PTK2B: variants seen among roughly 807,000 people sequenced by gnomAD.
The protein encoded by PTK2B is protein tyrosine kinase 2 beta.
A neutral mutation model predicts 142.9 loss-of-function variants in PTK2B; 71 were observed. The ratio of observed to expected loss-of-function variants is 0.50; its 90% confidence interval spans 0.41 to 0.61. PTK2B has a LOEUF of 0.61. Among genes scored for constraint, PTK2B ranks in the 20% least tolerant of loss-of-function variants. PTK2B has a pLI of 0.00. For synonymous variants in PTK2B, 519 were observed against 503.4 expected (o/e 1.03, Z -0.42); for missense variants, 1,105 against 1,320.4 (o/e 0.84, Z 2.53).
At chr8:27,333,033 G>T (rs1485424137) in intron 1 of PTK2B, among the ~76,000 whole-genome samples, 3 of 152,276 alleles carry the variant, frequency 2.0e-5, no homozygotes, top group Admixed American at 6.5e-5. Context: ...CTATGAGATT[G>T]CAGGGCAGAG....
At chr8:27,320,627 G>T (rs1803190793), upstream of PTK2B, among the ~76,000 whole-genome samples, 1 of 152,170 alleles carries the variant, frequency 6.6e-6, no homozygotes, top group Non-Finnish European at 1.5e-5. Context: ...AAAGATACAG[G>T]TGAGCAACCA....
chr8:27,319,936 G>C (rs1005011829), intron 3 of PTK2B, among the ~76,000 whole-genome samples: 1 of 152,184 alleles, frequency 6.6e-6, no homozygotes, highest in Non-Finnish European at 1.5e-5. Context: ...GATGCTGGAT[G>C]TGCAGGAGTT....
At chr8:27,431,251 A>G in intron 8 of PTK2B, 147 bp from the exon 9 acceptor site, 1 of 1,525,726 alleles carries the variant, frequency 6.6e-7, no homozygotes, top group South Asian at 1.3e-5. Context: ...TCAGGAGGGG[A>G]AGATCCATAT....
At chr8:27,315,478 T>C (rs914681277) in intron 3 of PTK2B, among the ~76,000 whole-genome samples, 4 of 152,092 alleles carry the variant, frequency 2.6e-5, no homozygotes, top group African/African-American at 7.2e-5. Context: ...CAGATAGCCC[T>C]CTCCCCTCCC....
At chr8:27,438,839 C>T (rs557631110) in intron 18 of PTK2B, among the ~76,000 whole-genome samples, 192 bp from the exon 19 acceptor site, 151 of 152,306 alleles carry the variant, frequency 9.9e-4, no homozygotes, top group African/African-American at 3.5e-3. Flanking sequence ...AGCTGGGCTC[C>T]CACCTGAGGT....
intron 15 of PTK2B, among the ~76,000 whole-genome samples, chr8:27,436,828 C>T (rs1463029705): frequency 6.6e-6 from 1 of 152,154 alleles, no homozygotes; most frequent in Non-Finnish European, 1.5e-5. Flanking sequence ...CTTGCAGGTG[C>T]CTCTGGCTTT....
intron 20 of PTK2B, 60 bp downstream of exon 20, chr8:27,439,458 T>C (rs1172318608): frequency 3.9e-6 from 6 of 1,533,370 alleles, no homozygotes; most frequent in African/African-American, 1.4e-5. Context: ...TGAACCAGGC[T>C]AAGGGGGTGG....
Position 27,354,357 on chromosome 8 carries a change from C to T in PTK2B, c.-38+28676C>T, listed in dbSNP as rs891668001. Among the ~76,000 whole-genome samples the T allele has an allele frequency of 3.9e-5, 6 of 152,022 alleles. No homozygotes were observed. The South Asian group carries it at 6.2e-4, about 16-fold the overall frequency. ...CCCCATCCTGTGGTCCAGGCCAGGA[C>T]GGGGAGGAAGAGGAGATGGTGTTCT... On this transcript the variant is annotated intron_variant, in intron 1 of 30. Coordinates refer to ENST00000346049, the MANE Select transcript of PTK2B (RefSeq NM_173176.3).
intron 4 of PTK2B, 63 bp from the exon 5 acceptor site, chr8:27,422,241 C>T: frequency 2.0e-6 from 3 of 1,484,300 alleles, no homozygotes; most frequent in Non-Finnish European, 2.8e-6. Context: ...TCTTCTGAGG[C>T]CTCTGTGCAG....
chr8:27,359,533 C>T (rs753656204), intron 1 of PTK2B, among the ~76,000 whole-genome samples: 7 of 152,126 alleles, frequency 4.6e-5, no homozygotes, highest in African/African-American at 9.7e-5. Flanking sequence ...TTGTATGGAT[C>T]GTCACTGTGA....
chr8:27,432,426 T>C, intron 10 of PTK2B, 65 bp downstream of exon 10: 1 of 1,489,056 alleles, frequency 6.7e-7, no homozygotes, highest in Admixed American at 1.8e-5. Context: ...GATTGGGAGC[T>C]CTTGCTCAGA....
chr8:27,446,988 T>C (rs1811512306), intron 24 of PTK2B, among the ~76,000 whole-genome samples: 1 of 152,272 alleles, frequency 6.6e-6, no homozygotes, highest in Non-Finnish European at 1.5e-5. Flanking sequence ...TTTTTAGGCA[T>C]GTGCTATAAT....
intron 9 of PTK2B, 52 bp downstream of exon 9, chr8:27,431,524 C>G (rs772983837): frequency 6.2e-7 from 1 of 1,606,486 alleles, no homozygotes; most frequent in Non-Finnish European, 8.5e-7. Context: ...AGGTCGTCCC[C>G]TCTCTGCTGC....
intron 20 of PTK2B, 101 bp from the exon 21 acceptor site, chr8:27,440,136 G>A: frequency 1.6e-6 from 2 of 1,240,166 alleles, no homozygotes; most frequent in Non-Finnish European, 2.3e-6. Context: ...GGGACCGCAG[G>A]AGCTGCTCCT....
chr8:27,427,922 G>A (rs930387169), intron 5 of PTK2B, among the ~76,000 whole-genome samples: 5 of 152,062 alleles, frequency 3.3e-5, no homozygotes, highest in Non-Finnish European at 5.9e-5. Context: ...GTTGGGGTGG[G>A]GGATGGTTTC....
Position 27,397,626 on chromosome 8 carries a change from C to T in PTK2B, c.42C>T (p.Gly14=). ...AGCCCCTGAGTCGAGTAAAGTTGGG[C>T]ACGTTACGCCGGCCTGAAGGCCCTG... ...VSEPLSRVKL[G]TLRRPEGPAE... The change falls in exon 2 of 31, where the codon GGC becomes GGT. Residue 14 remains glycine (G), a synonymous_variant. Transcript: ENST00000346049. 1 of 1,614,156 alleles carries T rather than the reference C, an allele frequency of 6.2e-7. No individual in the cohort carries two copies. Among genetic ancestry groups the T allele is most frequent in the East Asian group, 2.2e-5 (1 of 44,890 alleles).
At chr8:27,435,922 T>C (rs1259163425) in intron 14 of PTK2B, 129 bp downstream of exon 14, 1 of 1,213,806 alleles carries the variant, frequency 8.2e-7, no homozygotes, top group Non-Finnish European at 1.2e-6. Context: ...ACTTAGACAG[T>C]GGCAAACCTG....
intron 1 of PTK2B, among the ~76,000 whole-genome samples, chr8:27,369,722 C>T (rs1313641186): frequency 1.4e-5 from 2 of 146,286 alleles, no homozygotes; most frequent in Non-Finnish European, 3.0e-5. Context: ...TGCCCGTAAT[C>T]CCAGCACTTT....
At chr8:27,379,140 G>A (rs1423226165) in intron 1 of PTK2B, among the ~76,000 whole-genome samples, 2 of 152,156 alleles carry the variant, frequency 1.3e-5, no homozygotes, top group Non-Finnish European at 2.9e-5. Context: ...TCAGGCTTAG[G>A]TCTAATGTAT....
Sources: allele counts gnomAD v4.1 joint callset (sites outside exome capture counted in the v4.1 genomes callset), GRCh38; gene constraint gnomAD v4.1.1; transcripts MANE v1.5; gene names NCBI Gene and HGNC (gene_info 2026-07-23, HGNC 2026-07-21).